The following SOX5 variants were observed in gnomAD, a reference collection of about 807,000 sequenced individuals.
SOX5 encodes the protein transcription factor SOX-5.
A neutral mutation model predicts 92.0 loss-of-function variants in SOX5; 9 were observed. The observed-to-expected ratio is 0.10, with a 90% CI of 0.06 to 0.17. The LOEUF (loss-of-function observed/expected upper bound fraction) is 0.17. Among genes scored for constraint, SOX5 ranks in the 10% least tolerant of loss-of-function variants. The pLI, the probability that SOX5 is intolerant of heterozygous loss-of-function variation, is 1.00. For missense variants in SOX5, 642 were observed against 944.5 expected, an observed-to-expected ratio of 0.68 and a Z score of 4.20; for synonymous variants, 344 against 336.3, an observed-to-expected ratio of 1.02 and a Z score of -0.25.
intron 6 of SOX5, among the ~76,000 whole-genome samples, chr12:23,720,880 T>A (rs1299890887): frequency 1.3e-5 from 2 of 152,100 alleles, no homozygotes; most frequent in African/African-American, 2.4e-5. Context: ...TTTGTGTTCA[T>A]CCGTACCTAC....
At chr12:24,506,495 G>A (rs1449175569) in intron 1 of SOX5, among the ~76,000 whole-genome samples, 1 of 151,136 alleles carries the variant, frequency 6.6e-6, no homozygotes, top group Non-Finnish European at 1.5e-5. Flanking sequence ...ATTGCCTTCA[G>A]TAGCATTGCT....
At chr12:24,305,585 TTTTA>T (rs1295874309) in intron 2 of SOX5, among the ~76,000 whole-genome samples, 1 of 152,128 alleles carries the variant, frequency 6.6e-6, no homozygotes, top group Non-Finnish European at 1.5e-5. Context: ...GTGAAAAATA[TTTTA>T]TTTATTTGTG....
At chr12:24,173,210 C>T (rs543329543) in intron 4 of SOX5, among the ~76,000 whole-genome samples, 3 of 152,344 alleles carry the variant, frequency 2.0e-5, no homozygotes, top group South Asian at 4.1e-4. Context: ...ATCTTGCAAA[C>T]TCTGTCAACT....
At chr12:24,019,213 T>C (rs1954016699) in intron 4 of SOX5, among the ~76,000 whole-genome samples, 1 of 152,186 alleles carries the variant, frequency 6.6e-6, no homozygotes. Flanking sequence ...TGAACTCAAG[T>C]GATCCTCCTT....
chr12:23,947,052 C>A (rs190166738), intron 1 of SOX5, among the ~76,000 whole-genome samples: 92 of 151,934 alleles, frequency 6.1e-4, no homozygotes, highest in African/African-American at 2.2e-3. Flanking sequence ...TATTTAAGTT[C>A]TGAATATTCC....
At chr12:24,462,955 T>A (rs1285125868) in intron 1 of SOX5, among the ~76,000 whole-genome samples, 2 of 152,292 alleles carry the variant, frequency 1.3e-5, no homozygotes, top group East Asian at 3.9e-4. Context: ...CAGTGGCTCC[T>A]GCCGGTAATC....
intron 4 of SOX5, among the ~76,000 whole-genome samples, chr12:24,145,115 A>C (rs374844243): frequency 6.6e-6 from 1 of 152,138 alleles, no homozygotes; most frequent in Non-Finnish European, 1.5e-5. Context: ...TAACAAAAAT[A>C]AAGAAATAAA....
At chr12:23,766,703 A>G (rs549054178) in intron 3 of SOX5, among the ~76,000 whole-genome samples, 2 of 152,278 alleles carry the variant, frequency 1.3e-5, no homozygotes, top group East Asian at 3.9e-4. Flanking sequence ...AATATTAAAT[A>G]TTATCAACAA....
At chr12:24,043,087 C>G (rs1428503302) in intron 4 of SOX5, among the ~76,000 whole-genome samples, 1 of 152,098 alleles carries the variant, frequency 6.6e-6, no homozygotes, top group Non-Finnish European at 1.5e-5. Context: ...TTTTGAGGTT[C>G]ATATTGTGTT....
At chr12:24,388,394 T>C (rs1211772744) in intron 1 of SOX5, among the ~76,000 whole-genome samples, 1 of 152,028 alleles carries the variant, frequency 6.6e-6, no homozygotes, top group Non-Finnish European at 1.5e-5. Flanking sequence ...GATTAAACAG[T>C]AGAAGAGTGA....
chr12:24,253,942 T>C lies in SOX5; in HGVS notation c.-77+23274A>G, dbSNP rs560560704. On this transcript the variant is annotated intron_variant, in intron 3 of 4. Coordinates refer to the SOX5 transcript ENST00000446891. ...ATCTGTGTCTCAATTTCCTCATCTA[T>C]AAAAATGTAGATGATGGTAATAGTA... 4.6e-5 allele frequency among the ~76,000 whole-genome samples: 7 copies of C among 152,286 alleles called. No homozygotes were observed. The South Asian group carries it at 1.5e-3, about 32-fold the overall frequency.
chr12:24,490,448 A>G (rs1946942298), intron 1 of SOX5, among the ~76,000 whole-genome samples: 1 of 152,088 alleles, frequency 6.6e-6, no homozygotes, highest in Non-Finnish European at 1.5e-5. Flanking sequence ...TGAGGCTGTT[A>G]CTCTTTTTTA....
intron 4 of SOX5, among the ~76,000 whole-genome samples, chr12:24,125,661 T>G (rs1949041883): frequency 6.6e-6 from 1 of 152,180 alleles, no homozygotes; most frequent in Non-Finnish European, 1.5e-5. Context: ...ATACACATTT[T>G]TAATACCTAC....
chr12:24,420,831 G>T (rs935571696), intron 1 of SOX5, among the ~76,000 whole-genome samples: 6 of 152,072 alleles, frequency 3.9e-5, no homozygotes, highest in Admixed American at 3.9e-4. Context: ...CTTACAAAGG[G>T]ATCAAACTTA....
At chr12:23,817,469 G>A (rs1479677591) in intron 3 of SOX5, among the ~76,000 whole-genome samples, 1 of 152,186 alleles carries the variant, frequency 6.6e-6, no homozygotes, top group East Asian at 1.9e-4. Context: ...TCTGGAAGTT[G>A]TGAATAAGCA....
intron 6 of SOX5, among the ~76,000 whole-genome samples, chr12:23,667,530 C>T (rs958824853): frequency 3.7e-4 from 57 of 152,184 alleles, no homozygotes; most frequent in African/African-American, 1.3e-3. Context: ...CTGAGAAAGA[C>T]CCTAGAGATT....
chr12:24,487,680 T>C (rs1025370613), intron 1 of SOX5, among the ~76,000 whole-genome samples: 1 of 152,210 alleles, frequency 6.6e-6, no homozygotes, highest in African/African-American at 2.4e-5. Flanking sequence ...TTAGCTGACA[T>C]TCAACTTTTG....
At chr12:24,526,235 G>T (rs965339334) in intron 1 of SOX5, among the ~76,000 whole-genome samples, 1 of 151,826 alleles carries the variant, frequency 6.6e-6, no homozygotes, top group Non-Finnish European at 1.5e-5. Context: ...TAGCTGGAAA[G>T]AAATGGCACT....
intron 4 of SOX5, among the ~76,000 whole-genome samples, chr12:23,983,980 A>G (rs139568618): frequency 1.8e-3 from 279 of 152,330 alleles, no homozygotes; most frequent in Non-Finnish European, 3.1e-3. Context: ...AGGCAATACC[A>G]GAAACACCAT....
Sources: allele counts gnomAD v4.1 joint callset (sites outside exome capture counted in the v4.1 genomes callset), GRCh38; gene constraint gnomAD v4.1.1; transcripts MANE v1.5; gene names NCBI Gene and HGNC (gene_info 2026-07-23, HGNC 2026-07-21).